COX10: variants seen among roughly 807,000 people sequenced by gnomAD.
The protein encoded by COX10 is cytochrome c oxidase assembly factor heme A:farnesyltransferase COX10, also known as protoheme IX farnesyltransferase, mitochondrial.
COX10 carries 27 observed loss-of-function variants against 37.3 expected under a neutral mutation model. The ratio of observed to expected loss-of-function variants is 0.72; its 90% CI spans 0.53 to 1.00. The LOEUF (loss-of-function observed/expected upper bound fraction) is 1.00. Among genes scored for constraint, COX10 ranks in the 50% least tolerant of loss-of-function variants. The pLI is 0.00. For missense variants in COX10, 475 were observed against 563.2 expected (o/e 0.84, Z 1.59); for synonymous variants, 222 against 229.1 (o/e 0.97, Z 0.28).
chr17:14,137,538 A>G (rs1262493665), intron 4 of COX10, among the ~76,000 whole-genome samples: 1 of 151,974 alleles, frequency 6.6e-6, no homozygotes, highest in Non-Finnish European at 1.5e-5. Context: ...GTAAATACTT[A>G]CATCTCTTTT....
Position 14,159,923 on chromosome 17 carries a change from G to C in COX10, c.671G>C (p.Arg224Thr). The stretch of plus-strand genomic sequence containing the variant: ...TCAAACATGAATAGGACAAAGAACA[G>C]ACCGCTGGTTCGTGGACAGATCAGG... ...FDSNMNRTKN[R>T]PLVRGQISPL... is the part of the protein sequence containing the mutation. Residue 224 changes from arginine to threonine, a missense_variant, in exon 5 of 7, where the codon AGA (arginine) becomes ACA (threonine). Transcript: ENST00000261643. The C allele has an allele frequency of 1.9e-6, 3 of 1,612,650 alleles. No individual in the cohort carries two copies. Among genetic ancestry groups the C allele is most frequent in the Non-Finnish European group, 2.5e-6 (3 of 1,179,684 alleles).
At chr17:14,168,076 A>C (rs1002305654) in intron 5 of COX10, among the ~76,000 whole-genome samples, 1 of 152,258 alleles carries the variant, frequency 6.6e-6, no homozygotes, top group Non-Finnish European at 1.5e-5. Flanking sequence ...TTAGTTACCT[A>C]CAAGATACAA....
At chr17:14,192,244 T>G in intron 6 of COX10, 23 bp downstream of exon 6, 9 of 1,614,018 alleles carry the variant, frequency 5.6e-6, no homozygotes, top group Non-Finnish European at 7.6e-6. Context: ...CGATGTGGAG[T>G]CTCATATGAG....
At chr17:14,070,388 A>C (rs996939733) in intron 1 of COX10, among the ~76,000 whole-genome samples, 1 of 152,066 alleles carries the variant, frequency 6.6e-6, no homozygotes, top group Non-Finnish European at 1.5e-5. Context: ...CTCGTTTATT[A>C]TTTGTTTTTC....
At chr17:14,096,803 A>G (rs1266120027) in intron 3 of COX10, among the ~76,000 whole-genome samples, 4 of 152,176 alleles carry the variant, frequency 2.6e-5, no homozygotes, top group African/African-American at 9.7e-5. Flanking sequence ...GATTGGACCT[A>G]GTAGTCAGGA....
chr17:14,129,714 C>G (rs1301351789), intron 4 of COX10, among the ~76,000 whole-genome samples: 5 of 152,170 alleles, frequency 3.3e-5, no homozygotes. Flanking sequence ...CGTGAAGATG[C>G]AGGCTGTTTG....
chr17:14,073,904 T>C (rs991260883), intron 1 of COX10, among the ~76,000 whole-genome samples: 4 of 152,226 alleles, frequency 2.6e-5, no homozygotes, highest in Non-Finnish European at 4.4e-5. Flanking sequence ...TTTTGTTGTC[T>C]TACCCTACTT....
intron 5 of COX10, among the ~76,000 whole-genome samples, chr17:14,189,643 T>G (rs561738906): frequency 9.2e-5 from 14 of 152,346 alleles, no homozygotes; most frequent in African/African-American, 3.4e-4. Context: ...AACAAGTTAG[T>G]ATGAGTTTAT....
At chr17:14,080,678 T>A (rs1046765179) in intron 3 of COX10, among the ~76,000 whole-genome samples, 5 of 152,222 alleles carry the variant, frequency 3.3e-5, no homozygotes, top group Admixed American at 6.5e-5. Flanking sequence ...TGGTTTTTCT[T>A]CTGTTATTTA....
chr17:14,120,125 A>G (rs1011320841), intron 4 of COX10, among the ~76,000 whole-genome samples: 23 of 152,220 alleles, frequency 1.5e-4, no homozygotes, highest in Non-Finnish European at 2.9e-4. Flanking sequence ...TTACAAAATT[A>G]GGTGGATAGT....
chr17:14,183,580 A>G (rs1017812975), intron 5 of COX10, among the ~76,000 whole-genome samples: 8 of 152,274 alleles, frequency 5.3e-5, no homozygotes, highest in South Asian at 2.1e-4. Flanking sequence ...TATGTGATCA[A>G]TCTAGCTTTT....
At chr17:14,169,362 C>A (rs1905387991) in intron 5 of COX10, among the ~76,000 whole-genome samples, 1 of 152,168 alleles carries the variant, frequency 6.6e-6, no homozygotes, top group Admixed American at 6.5e-5. Flanking sequence ...CAGGAAGTTC[C>A]AGACATTCCC....
intron 5 of COX10, among the ~76,000 whole-genome samples, chr17:14,160,772 T>C (rs892462659): frequency 2.6e-5 from 4 of 152,178 alleles, no homozygotes; most frequent in Non-Finnish European, 5.9e-5. Flanking sequence ...ATTTAAAATA[T>C]CATTATAGTA....
chr17:14,076,671 C>T, intron 2 of COX10, 64 bp from the exon 3 acceptor site: 1 of 1,493,522 alleles, frequency 6.7e-7, no homozygotes. Context: ...GAAGATGTTG[C>T]TAAATAACCA....
At chr17:14,082,086 G>T (rs929048650) in intron 3 of COX10, among the ~76,000 whole-genome samples, 2 of 152,158 alleles carry the variant, frequency 1.3e-5, no homozygotes, top group African/African-American at 4.8e-5. Flanking sequence ...TGGCAGTGAG[G>T]TCACGGTAGT....
chr17:14,147,623 A>C (rs1597521345), intron 4 of COX10, among the ~76,000 whole-genome samples: 1 of 152,274 alleles, frequency 6.6e-6, no homozygotes, highest in Middle Eastern at 3.4e-3. Flanking sequence ...GTACATTTTA[A>C]TAACTAATAG....
Position 14,096,329 on chromosome 17 carries a change from A to G in COX10, c.500-5789A>G, listed in dbSNP as rs939919378. On this transcript the variant is annotated intron_variant, in intron 3 of 6. Transcript: ENST00000261643. ...CAGACCATAGCCCAGGGCATATCTC[A>G]TTGTGATTGTTTCAAAATTTTTAAA... 1.2e-4 allele frequency among the ~76,000 whole-genome samples: 18 copies of G among 145,366 alleles called. 1 individual carries two copies. Among genetic ancestry groups the G allele is most frequent in the Admixed American group, 1.2e-3 (18 of 14,750 alleles).
intron 2 of COX10, 92 bp from the exon 3 acceptor site, chr17:14,076,643 G>A: frequency 2.5e-6 from 3 of 1,203,184 alleles, no homozygotes; most frequent in Non-Finnish European, 3.6e-6. Context: ...TTCAAATAAT[G>A]TAAAAGCTGG....
chr17:14,170,679 A>T (rs910602987), intron 5 of COX10, among the ~76,000 whole-genome samples: 3 of 152,148 alleles, frequency 2.0e-5, no homozygotes, highest in Non-Finnish European at 4.4e-5. Context: ...TTAGCCGAGC[A>T]TGGTGGCACA....
Sources: allele counts gnomAD v4.1 joint callset (sites outside exome capture counted in the v4.1 genomes callset), GRCh38; gene constraint gnomAD v4.1.1; transcripts MANE v1.5; gene names NCBI Gene and HGNC (gene_info 2026-07-23, HGNC 2026-07-21).